Variants in AP2A1 observed in about 807,000 individuals in gnomAD.
AP2A1 encodes adaptor related protein complex 2 subunit alpha 1.
AP2A1 carries 21 observed loss-of-function variants against 107.3 expected under a neutral mutation model. The ratio of observed to expected loss-of-function variants is 0.20; its 90% CI spans 0.14 to 0.28. The LOEUF (loss-of-function observed/expected upper bound fraction) is 0.28. Ranked by LOEUF, AP2A1 falls within the 10% of genes least tolerant of loss-of-function variation. AP2A1 has a pLI of 1.00. For synonymous variants in AP2A1, 602 were observed against 564.8 expected, an observed-to-expected ratio of 1.07 and a Z score of -0.93; for missense variants, 873 against 1,307.7, an observed-to-expected ratio of 0.67 and a Z score of 5.13.
intron 4 of AP2A1, among the ~76,000 whole-genome samples, chr19:49,786,505 T>TG (rs1304662023): frequency 2.0e-5 from 3 of 152,260 alleles, no homozygotes; most frequent in Non-Finnish European, 4.4e-5. Flanking sequence ...TCGGGCCTGG[T>TG]GAAGCCCCTG....
rs147316331 is a variant in AP2A1, at chr19:49,771,581, G to A, written c.67+4381G>A. 9.1e-3 allele frequency among the ~76,000 whole-genome samples: 1,382 copies of A among 151,790 alleles called. 16 individuals are homozygous for A. Among genetic ancestry groups the A allele is most frequent in the African/African-American group, 0.031 (1,297 of 41,400 alleles). On this transcript the variant is annotated intron_variant, in intron 1 of 22. Transcript: ENST00000354293. ...CCGCCACTATGCCCCGCTGATTTTT[G>A]TATTTTTAGTAGAGACAGGGTTTCA...
intron 4 of AP2A1, among the ~76,000 whole-genome samples, chr19:49,783,408 CT>C (rs1209941649): frequency 6.6e-6 from 1 of 152,040 alleles, no homozygotes; most frequent in Non-Finnish European, 1.5e-5. Flanking sequence ...GGAGGATCTC[CT>C]GAGCTGGGGA....
chr19:49,802,483 C>A, intron 15 of AP2A1: 8 of 1,579,936 alleles, frequency 5.1e-6, no homozygotes, highest in Non-Finnish European at 6.9e-6. Context: ...GTGGAATTGG[C>A]TGCCTGCCAC....
chr19:49,805,557 C>T lies in AP2A1; in HGVS notation c.2449C>T (p.Leu817=), dbSNP rs2073358784. 2 of 1,578,064 alleles carry T rather than the reference C, an allele frequency of 1.3e-6. No homozygotes were observed. Among genetic ancestry groups the T allele is most frequent in the African/African-American group, 2.7e-5 (2 of 74,378 alleles). The change falls in exon 19 of 23, where the codon CTG becomes TTG. Residue 817 remains leucine (L), a synonymous_variant. Coordinates refer to ENST00000354293, the MANE Select transcript of AP2A1 (RefSeq NM_130787.3). Reference sequence around the variant, plus strand: ...CCTGCGGGACTTCCTGACGCCCCCGCTGCTGTCCGTGCGCTTCCGGTGAGT... The same window carrying T: ...CCTGCGGGACTTCCTGACGCCCCCGTTGCTGTCCGTGCGCTTCCGGTGAGT... ...ECLRDFLTPP[L]LSVRFRYGGA...
chr19:49,806,424 T>C, intron 22 of AP2A1, 171 bp downstream of exon 22: 1 of 1,435,924 alleles, frequency 7.0e-7, no homozygotes, highest in East Asian at 2.5e-5. Flanking sequence ...ATCTCCTGTC[T>C]CCAACCTCTG....
At chr19:49,793,187 C>G (rs2073168700) in intron 6 of AP2A1, 95 bp downstream of exon 6, 1 of 1,182,746 alleles carries the variant, frequency 8.5e-7, no homozygotes, top group Admixed American at 2.1e-5. Flanking sequence ...GAGAGGCAGC[C>G]CAGCCCAAGG....
chr19:49,790,883 G>A (rs979259778), intron 4 of AP2A1, among the ~76,000 whole-genome samples: 1 of 152,254 alleles, frequency 6.6e-6, no homozygotes, highest in Non-Finnish European at 1.5e-5. Flanking sequence ...TGGACAGGCC[G>A]AAGGGGTCCG....
rs574618240 is a variant in AP2A1, at chr19:49,799,031, G to C, written c.965+79G>C. On this transcript the variant is annotated intron_variant, in intron 8 of 22. Transcript: ENST00000354293. ...TGGAGGCCCGGACTCCTGAGTCCTA[G>C]GCAGAGGGCAGGGAATCTTGACTTT... is the stretch of plus-strand genomic sequence containing the variant. 9.1e-5 allele frequency: 137 copies of C among 1,510,966 alleles called. 1 individual carries two copies. In the African/African-American group the frequency reaches 1.7e-3, roughly 19 times the overall value. 93.6% of individuals were successfully genotyped at this position (1,510,966 alleles called of 1,614,324 possible).
At position 49,802,111 on chromosome 19, in the gene AP2A1, TG is replaced by T; in HGVS notation, c.2088del (p.Thr698ProfsTer25). On this transcript the variant is annotated frameshift_variant, in exon 15 of 23. Coordinates refer to ENST00000354293, the MANE Select transcript of AP2A1 (RefSeq NM_130787.3). LOFTEE classifies it high-confidence loss of function. Reference protein sequence around the residue: ...VFDGPAAQPSLGPTPEEAFLS... With the variant: ...VFDGPAAQPSXGPTPEEAFLS... Reference sequence around the variant, plus strand: ...GATGGCCCGGCCGCCCAGCCCAGCCTGGGGCCCACCCCCGAGGAGGCCTTCC... The same window carrying T: ...GATGGCCCGGCCGCCCAGCCCAGCCTGGGCCCACCCCCGAGGAGGCCTTCC... 6.3e-7 allele frequency: 1 copy of T among 1,587,688 alleles called. No homozygotes were observed.
Position 49,806,880 on chromosome 19 carries a change from G to T in AP2A1, c.*122G>T, listed in dbSNP as rs2073405122. 1 of 1,561,074 alleles carries T rather than the reference G, an allele frequency of 6.4e-7. No homozygotes were observed. Among genetic ancestry groups the T allele is most frequent in the Non-Finnish European group, 8.6e-7 (1 of 1,157,770 alleles). ...AGACACCAGGGTTTGGGGGATGCCTGGGACTTTCCTCCGGCCTTTTGTATT... is the reference window on the plus strand; with the variant it reads ...AGACACCAGGGTTTGGGGGATGCCTTGGACTTTCCTCCGGCCTTTTGTATT... On this transcript the variant is annotated 3_prime_UTR_variant, in exon 23 of 23. Coordinates refer to ENST00000354293, the MANE Select transcript of AP2A1 (RefSeq NM_130787.3).
chr19:49,768,748 G>A (rs576524679), intron 1 of AP2A1, among the ~76,000 whole-genome samples: 1 of 152,178 alleles, frequency 6.6e-6, no homozygotes, highest in African/African-American at 2.4e-5. Flanking sequence ...TAGCAGACGG[G>A]GGCTGCCTCT....
rs202052917 is a variant in AP2A1 at position 49,805,794 on chromosome 19, G to A, written c.2585+17G>A. On this transcript the variant is annotated intron_variant, in intron 20 of 22. Coordinates refer to ENST00000354293, the MANE Select transcript of AP2A1 (RefSeq NM_130787.3). ...GCTGAGCCTGTGAGGGGTGGGGAGG[G>A]GGCGGAGCCAAAGCCGCGCCTCTGG... 0.011 allele frequency: 18,485 copies of A among 1,608,726 alleles called. 162 individuals are homozygous for A. The highest frequency in any genetic ancestry group is 0.013 in the South Asian group (1,182 of 90,500).
chr19:49,805,785 G>A lies in AP2A1; in HGVS notation c.2585+8G>A. On this transcript the variant is annotated splice_region_variant and intron_variant, in intron 20 of 22. Coordinates refer to ENST00000354293, the MANE Select transcript of AP2A1 (RefSeq NM_130787.3). Reference sequence around the variant, plus strand: ...CTGGAAGCAGCTGAGCCTGTGAGGGGTGGGGAGGGGGCGGAGCCAAAGCCG... The same window carrying A: ...CTGGAAGCAGCTGAGCCTGTGAGGGATGGGGAGGGGGCGGAGCCAAAGCCG... The A allele has an allele frequency of 6.2e-7, 1 of 1,606,364 alleles. No individual in the cohort carries two copies.
Position 49,805,703 on chromosome 19 carries a change from G to T in AP2A1, c.2511G>T (p.Val837=), listed in dbSNP as rs1298608331. 5 of 1,570,680 alleles carry T rather than the reference G, an allele frequency of 3.2e-6. No individual in the cohort carries two copies. The East Asian group carries it at 9.6e-5, about 30-fold the overall frequency. ...APQALTLKLP[V]TINKFFQPTE... is the part of the protein sequence containing the mutation. ...AGGCCCTCACCCTGAAGCTCCCAGT[G>T]ACCATCAACAAGTTCTTCCAGCCCA... The change falls in exon 20 of 23, where the codon GTG becomes GTT. Residue 837 remains valine (V), a synonymous_variant. Transcript: ENST00000354293.
intron 22 of AP2A1, 103 bp downstream of exon 22, chr19:49,806,356 GACCCTC>G: frequency 1.5e-6 from 2 of 1,364,414 alleles, no homozygotes; most frequent in African/African-American, 1.7e-5. Flanking sequence ...TCCCCACTTT[GACCCTC>G]CTCCTCTCAC....
At chr19:49,775,954 C>T (rs890867114) in intron 1 of AP2A1, among the ~76,000 whole-genome samples, 1 of 152,152 alleles carries the variant, frequency 6.6e-6, no homozygotes, top group Admixed American at 6.5e-5. Flanking sequence ...TTAGGGAAGG[C>T]GTTATCTCCC....
intron 15 of AP2A1, 28 bp downstream of exon 15, chr19:49,802,169 CTCGCGGCCACCCCCAGGGCTGTCCCT>C: frequency 6.6e-7 from 1 of 1,523,592 alleles, no homozygotes; most frequent in Non-Finnish European, 8.8e-7. Flanking sequence ...CGGGCCCCTT[CTCGCGGCCACCCCCAGGGCTGTCCCT>C]TCTCGGCCTC....
intron 1 of AP2A1, among the ~76,000 whole-genome samples, chr19:49,768,167 G>A (rs1376207971): frequency 1.3e-5 from 2 of 152,092 alleles, no homozygotes; most frequent in Non-Finnish European, 2.9e-5. Context: ...GCAGGGATCT[G>A]AGCCCTTTTC....
At chr19:49,806,358 C>T (rs2073383150) in intron 22 of AP2A1, 105 bp downstream of exon 22, 4 of 1,367,750 alleles carry the variant, frequency 2.9e-6, no homozygotes, top group East Asian at 5.1e-5. Context: ...CCCACTTTGA[C>T]CCTCCTCCTC....
Sources: gnomAD v4.1 joint callset for allele counts (sites outside exome capture counted in the v4.1 genomes callset) on GRCh38, gnomAD v4.1.1 for gene constraint, MANE v1.5 for transcripts, NCBI Gene and HGNC (gene_info 2026-07-23, HGNC 2026-07-21) for gene names.